PTPRZ1: variants seen among roughly 807,000 people sequenced by gnomAD.
PTPRZ1 encodes protein tyrosine phosphatase receptor type Z1, also known as receptor-type tyrosine-protein phosphatase zeta.
PTPRZ1 carries 82 observed loss-of-function variants against 214.1 expected under a neutral mutation model. The observed-to-expected ratio is 0.38, with a 90% CI of 0.32 to 0.46. The LOEUF (loss-of-function observed/expected upper bound fraction) is 0.46. PTPRZ1 is among the 20% of genes least tolerant of loss of function. PTPRZ1 has a pLI of 1.00. For missense variants in PTPRZ1, 2,603 were observed against 2,748.7 expected, an observed-to-expected ratio of 0.95 and a Z score of 1.19; for synonymous variants, 945 against 987.9, an observed-to-expected ratio of 0.96 and a Z score of 0.81.
rs11398058 is a variant in PTPRZ1, at chr7:121,923,699, T to TGGG, written c.59-4452_59-4450dup. On this transcript the variant is annotated intron_variant, in intron 1 of 29. Transcript: ENST00000393386. ...AATCAGCACCCTGATTTTAACTTGG[T>TGGG]GGGGGGGTGGTAAAAATTTTGAGAA... is the stretch of plus-strand genomic sequence containing the variant. Among the ~76,000 whole-genome samples, 7 of 151,260 alleles carry TGGG rather than the reference T, an allele frequency of 4.6e-5. 1 individual carries two copies. The highest frequency in any genetic ancestry group is 3.3e-4 in the Admixed American group (5 of 15,208).
chr7:121,920,579 A>G (rs918825964), intron 1 of PTPRZ1, among the ~76,000 whole-genome samples: 2 of 152,164 alleles, frequency 1.3e-5, no homozygotes, highest in African/African-American at 4.8e-5. Context: ...ATTCACTGTT[A>G]TAGACATAAA....
At chr7:122,046,333 A>G (rs1008490081) in intron 23 of PTPRZ1, among the ~76,000 whole-genome samples, 1 of 152,176 alleles carries the variant, frequency 6.6e-6, no homozygotes, top group Non-Finnish European at 1.5e-5. Flanking sequence ...GCCTGAGCTC[A>G]GAAGTTCAAG....
chr7:122,012,794 T>C lies in PTPRZ1; in HGVS notation c.3748T>C (p.Ser1250Pro). The change falls in exon 12 of 30, where the codon TCT becomes CCT. Residue 1250 changes from serine (S) to proline (P), a missense_variant. By Grantham distance (74) the Ser-to-Pro change is moderately conservative. This residue lies in a region of PTPRZ1 where 1,913 missense variants were observed against 1,914.3 expected (regional missense o/e 1.00). Coordinates refer to ENST00000393386, the MANE Select transcript of PTPRZ1 (RefSeq NM_002851.3). ...ACCAGTTTTTGATGTGTCGCCTACT[T>C]CTCATATGCACTCTGCTTCACTTCA... is the stretch of plus-strand genomic sequence containing the variant. ...SVPVFDVSPT[S>P]HMHSASLQGL... is the part of the protein sequence containing the mutation. 6.2e-7 allele frequency: 1 copy of C among 1,611,506 alleles called. No individual in the cohort carries two copies. The highest frequency in any genetic ancestry group is 8.5e-7 in the Non-Finnish European group (1 of 1,177,636).
At position 121,926,228 on chromosome 7, in the gene PTPRZ1, C is replaced by T. The variant is rs574767414; in HGVS notation, c.59-1928C>T. 2.5e-4 allele frequency among the ~76,000 whole-genome samples: 33 copies of T among 132,948 alleles called. No homozygotes were observed. In the South Asian group the frequency reaches 5.4e-3, roughly 22 times the overall value. 87.2% of individuals were successfully genotyped at this position (132,948 alleles called of 152,430 possible). A position where few individuals can be genotyped will look rare whatever the true frequency, so the allele number is the denominator to read the frequency against. ...GCTGAGGCAGAAGAATCGCTTGAAC[C>T]GGAGAGGTGGAGGTTGCAGTGAGCT... On this transcript the variant is annotated intron_variant, in intron 1 of 29. Transcript: ENST00000393386.
At chr7:121,898,943 A>G (rs1794881771) in intron 1 of PTPRZ1, among the ~76,000 whole-genome samples, 1 of 152,210 alleles carries the variant, frequency 6.6e-6, no homozygotes. Flanking sequence ...ATGAGACTAC[A>G]GAAATAACTC....
At chr7:121,904,447 A>G (rs535033201) in intron 1 of PTPRZ1, among the ~76,000 whole-genome samples, 16 of 152,332 alleles carry the variant, frequency 1.1e-4, no homozygotes, top group East Asian at 7.7e-4. Context: ...TAGGCCCCCA[A>G]AGATATTCAC....
intron 2 of PTPRZ1, among the ~76,000 whole-genome samples, chr7:121,943,906 A>G (rs1796302614): frequency 6.6e-6 from 1 of 152,210 alleles, no homozygotes; most frequent in Non-Finnish European, 1.5e-5. Context: ...GATGGAGTGA[A>G]GAAGAGAAAG....
rs189507825 is a variant in PTPRZ1 at position 122,052,475 on chromosome 7, C to G, written c.6252+536C>G. On this transcript the variant is annotated intron_variant, in intron 25 of 29. Transcript: ENST00000393386. ...ACCTTCATTAACATTTAAGGTCAAT[C>G]AATCACGGAGCTTGGCTTCTGATGA... Among the ~76,000 whole-genome samples the G allele has an allele frequency of 1.6e-3, 241 of 152,312 alleles. 1 individual carries two copies. The highest frequency in any genetic ancestry group is 2.5e-3 in the Non-Finnish European group (170 of 68,022).
chr7:122,051,994 C>A (rs1298796022), intron 25 of PTPRZ1, 55 bp downstream of exon 25: 2 of 1,413,940 alleles, frequency 1.4e-6, no homozygotes, highest in Non-Finnish European at 1.9e-6. Context: ...GGGATCAAAA[C>A]CAGAATGGGC....
intron 1 of PTPRZ1, among the ~76,000 whole-genome samples, chr7:121,896,794 C>G (rs914433091): frequency 1.3e-5 from 2 of 150,604 alleles, no homozygotes; most frequent in African/African-American, 4.9e-5. Context: ...AAAAAAGAAA[C>G]AAGAACATTA....
At chr7:121,888,743 A>G (rs1449741971) in intron 1 of PTPRZ1, among the ~76,000 whole-genome samples, 1 of 152,206 alleles carries the variant, frequency 6.6e-6, no homozygotes, top group Non-Finnish European at 1.5e-5. Flanking sequence ...AATTAAGAGA[A>G]AACAACACAT....
rs140553499 is a variant in PTPRZ1, at chr7:122,038,509, C to CT, written c.5368-221dup. On this transcript the variant is annotated intron_variant, in intron 18 of 29. Transcript: ENST00000393386. Reference sequence around the variant, plus strand: ...TTGTGTCAAAGCAAAGAGAGCTATTCTTTTTTTTTTTTTTTTTTTTTTTTT... The same window carrying CT: ...TTGTGTCAAAGCAAAGAGAGCTATTCTTTTTTTTTTTTTTTTTTTTTTTTTT... Among the ~76,000 whole-genome samples the CT allele has an allele frequency of 8.2e-3, 868 of 106,264 alleles. 8 individuals are homozygous for CT. Among genetic ancestry groups the CT allele is most frequent in the East Asian group, 0.017 (58 of 3,514 alleles). 69.7% of individuals were successfully genotyped at this position (106,264 alleles called of 152,430 possible). A position where few individuals can be genotyped will look rare whatever the true frequency, so the allele number is the denominator to read the frequency against.
At chr7:121,999,318 A>G (rs1192323160) in intron 10 of PTPRZ1, among the ~76,000 whole-genome samples, 1 of 152,188 alleles carries the variant, frequency 6.6e-6, no homozygotes, top group Non-Finnish European at 1.5e-5. Flanking sequence ...TCTAAGTCTT[A>G]TAGAAAGGCG....
intron 1 of PTPRZ1, among the ~76,000 whole-genome samples, chr7:121,881,254 T>C (rs985607039): frequency 1.3e-5 from 2 of 152,240 alleles, no homozygotes; most frequent in African/African-American, 2.4e-5. Context: ...GAATCAAATC[T>C]GCTGGCCTTT....
In PTPRZ1 at chr7:121,916,272, C is replaced by CAAAA. The variant is rs59701928; in HGVS notation, c.59-11869_59-11866dup. Among the ~76,000 whole-genome samples the CAAAA allele has an allele frequency of 2.9e-3, 314 of 109,704 alleles. 5 individuals are homozygous for CAAAA. The highest frequency in any genetic ancestry group is 9.7e-3 in the African/African-American group (292 of 30,186). The allele number at this position is 109,704 out of a possible 152,430, so 72.0% of individuals were successfully genotyped here. On this transcript the variant is annotated intron_variant, in intron 1 of 29. Transcript: ENST00000393386. Reference sequence around the variant, plus strand: ...CTGGCGACAGAGTGGGACTCCATCTCAAAAAAAAAAAAAAAAAAGTTCATT... The same window carrying CAAAA: ...CTGGCGACAGAGTGGGACTCCATCTCAAAAAAAAAAAAAAAAAAAAAAGTTCATT...
At chr7:121,936,786 C>T (rs963251010) in intron 2 of PTPRZ1, among the ~76,000 whole-genome samples, 5 of 152,306 alleles carry the variant, frequency 3.3e-5, no homozygotes, top group South Asian at 2.1e-4. Context: ...AGGCAAGAGA[C>T]GTGGGGGCTT....
In PTPRZ1 at chr7:122,013,725, A is replaced by G. The variant is rs1222108217; in HGVS notation, c.4679A>G (p.Asn1560Ser). 2.5e-6 allele frequency: 4 copies of G among 1,614,102 alleles called. No homozygotes were observed. In the Admixed American group the frequency reaches 6.7e-5, roughly 27 times the overall value. ...GSGQGTSDSL[N>S]ENETSTDFSF... ...GGGCAAGGTACCTCAGATAGCCTTA[A>G]TGAGAATGAGACTTCCACAGATTTC... The change falls in exon 12 of 30, where the codon AAT becomes AGT. Residue 1560 changes from asparagine to serine, a missense_variant. Asn to Ser is a conservative substitution (Grantham distance 46). This residue lies in a region of PTPRZ1 where 1,913 missense variants were observed against 1,914.3 expected (regional missense o/e 1.00). Transcript: ENST00000393386.
chr7:122,057,624 T>C (rs977993171), intron 27 of PTPRZ1, among the ~76,000 whole-genome samples: 1 of 148,400 alleles, frequency 6.7e-6, no homozygotes, highest in Non-Finnish European at 1.5e-5. Flanking sequence ...GGGATTTGAA[T>C]TTTTTACTTT....
At chr7:121,974,837 C>T (rs1797380103) in intron 4 of PTPRZ1, among the ~76,000 whole-genome samples, 1 of 152,042 alleles carries the variant, frequency 6.6e-6, no homozygotes, top group Non-Finnish European at 1.5e-5. Flanking sequence ...AGCAGGAAAC[C>T]CAAGGATCAT....
Sources: gnomAD v4.1 joint callset for allele counts (sites outside exome capture counted in the v4.1 genomes callset) on GRCh38, gnomAD v4.1.1 for gene constraint, gnomAD v4.1.1 regional missense constraint, MANE v1.5 for transcripts, NCBI Gene and HGNC (gene_info 2026-07-23, HGNC 2026-07-21) for gene names.